The following NRG3 variants were observed in gnomAD, a reference collection of about 807,000 sequenced individuals.
The protein encoded by NRG3 is neuregulin 3.
A neutral mutation model predicts 66.9 loss-of-function variants in NRG3; 31 were observed. The ratio of observed to expected loss-of-function variants is 0.46; its 90% CI spans 0.35 to 0.63. The LOEUF (loss-of-function observed/expected upper bound fraction) is 0.63. Ranked by LOEUF, NRG3 falls within the 20% of genes least tolerant of loss-of-function variation. The pLI is 0.00. For synonymous variants in NRG3, 393 were observed against 359.4 expected (o/e 1.09, Z -1.06); for missense variants, 910 against 878.9 (o/e 1.04, Z -0.45).
intron 2 of NRG3, among the ~76,000 whole-genome samples, chr10:82,664,471 A>G (rs1340796593): frequency 1.3e-5 from 2 of 152,198 alleles, no homozygotes; most frequent in Non-Finnish European, 2.9e-5. Context: ...GCATTTCTTA[A>G]TTAATAGGAA....
At chr10:82,098,106 T>G (rs945421441) in intron 1 of NRG3, among the ~76,000 whole-genome samples, 2 of 151,254 alleles carry the variant, frequency 1.3e-5, no homozygotes, top group Non-Finnish European at 2.9e-5. Context: ...ATGTCTCATA[T>G]ATAGATGTCT....
At chr10:82,555,548 G>C (rs1425043553) in intron 2 of NRG3, among the ~76,000 whole-genome samples, 1 of 152,104 alleles carries the variant, frequency 6.6e-6, no homozygotes, top group Non-Finnish European at 1.5e-5. Context: ...TATTTCATGA[G>C]GTAATGGAAG....
At chr10:82,212,924 G>A (rs186248406) in intron 1 of NRG3, among the ~76,000 whole-genome samples, 30 of 152,198 alleles carry the variant, frequency 2.0e-4, no homozygotes, top group African/African-American at 7.0e-4. Context: ...CATTCCAAAG[G>A]ATTGCACAAT....
chr10:82,513,448 T>G (rs932816084), intron 2 of NRG3, among the ~76,000 whole-genome samples: 89 of 152,214 alleles, frequency 5.8e-4, no homozygotes, highest in African/African-American at 1.8e-3. Flanking sequence ...ACAGAATAAT[T>G]TATATTCCTA....
intron 4 of NRG3, among the ~76,000 whole-genome samples, chr10:82,895,206 T>A (rs1843535049): frequency 6.6e-6 from 1 of 152,194 alleles, no homozygotes; most frequent in Admixed American, 6.5e-5. Flanking sequence ...TTGCTGTTAA[T>A]ATGTAGATGC....
chr10:82,337,673 TG>T (rs551109655), intron 1 of NRG3, among the ~76,000 whole-genome samples: 72 of 152,340 alleles, frequency 4.7e-4, no homozygotes, highest in Non-Finnish European at 7.5e-4. Context: ...GGGTGTGAAG[TG>T]ATATTTCATT....
intron 1 of NRG3, among the ~76,000 whole-genome samples, chr10:82,076,328 C>A (rs2065088864): frequency 6.6e-6 from 1 of 152,184 alleles, no homozygotes; most frequent in African/African-American, 2.4e-5. Flanking sequence ...CCTCAGTCGT[C>A]CAGCTCTGAT....
At chr10:82,450,778 T>G (rs1488492233) in intron 2 of NRG3, among the ~76,000 whole-genome samples, 2 of 152,318 alleles carry the variant, frequency 1.3e-5, no homozygotes, top group South Asian at 2.1e-4. Context: ...TTTATTTTGG[T>G]AAATCTTATT....
At chr10:82,372,988 T>G (rs746307869) in intron 2 of NRG3, among the ~76,000 whole-genome samples, 34 of 152,218 alleles carry the variant, frequency 2.2e-4, no homozygotes, top group Non-Finnish European at 4.6e-4. Context: ...TGACCACTGA[T>G]CATTGTTGAA....
intron 1 of NRG3, among the ~76,000 whole-genome samples, chr10:81,888,712 C>T (rs1842798975): frequency 6.6e-6 from 1 of 152,122 alleles, no homozygotes; most frequent in South Asian, 2.1e-4. Context: ...CAGACGGCCT[C>T]ACCTTTTCCT....
At chr10:82,184,495 G>A (rs55764635) in intron 1 of NRG3, among the ~76,000 whole-genome samples, 17,119 of 152,146 alleles carry the variant, frequency 0.11, 1,256 homozygotes, top group Non-Finnish European at 0.17. Context: ...TTGAAGGCAT[G>A]CTCAAAGAAG....
chr10:82,859,205 C>G (rs1341360787), intron 3 of NRG3: 3 of 152,246 alleles, frequency 2.0e-5, no homozygotes, highest in Non-Finnish European at 4.4e-5. Flanking sequence ...CCTCGGCCTC[C>G]CAAAGTGCTG....
At chr10:82,952,611 T>C (rs945059724) in intron 5 of NRG3, among the ~76,000 whole-genome samples, 12 of 151,500 alleles carry the variant, frequency 7.9e-5, no homozygotes, top group Non-Finnish European at 1.3e-4. Flanking sequence ...ATTAGCCCCT[T>C]GGTTTCTCAT....
chr10:82,931,614 C>G (rs1237724905), intron 4 of NRG3, among the ~76,000 whole-genome samples: 1 of 152,166 alleles, frequency 6.6e-6, no homozygotes, highest in African/African-American at 2.4e-5. Flanking sequence ...ATTTTGAAAC[C>G]TTCATTGACT....
At chr10:82,680,763 T>C (rs1282348038) in intron 2 of NRG3, among the ~76,000 whole-genome samples, 1 of 152,166 alleles carries the variant, frequency 6.6e-6, no homozygotes, top group South Asian at 2.1e-4. Context: ...TGCAGACACA[T>C]AATAAATGCC....
intron 3 of NRG3, among the ~76,000 whole-genome samples, chr10:82,857,045 C>A (rs2063847633): frequency 6.6e-6 from 1 of 152,150 alleles, no homozygotes; most frequent in Admixed American, 6.5e-5. Context: ...GTCTAATGCT[C>A]CAAGATGTTT....
chr10:82,295,540 G>A (rs1205536248), intron 1 of NRG3, among the ~76,000 whole-genome samples: 1 of 152,130 alleles, frequency 6.6e-6, no homozygotes, highest in South Asian at 2.1e-4. Context: ...ACTCTGTCAT[G>A]TCGTCTTCCA....
intron 1 of NRG3, among the ~76,000 whole-genome samples, chr10:81,969,151 G>C (rs1213585277): frequency 6.6e-6 from 1 of 152,138 alleles, no homozygotes; most frequent in Non-Finnish European, 1.5e-5. Flanking sequence ...TGGATCTTCT[G>C]TGTCAGGGAC....
intron 2 of NRG3, among the ~76,000 whole-genome samples, chr10:82,598,763 G>A (rs2047436497): frequency 6.6e-6 from 1 of 152,110 alleles, no homozygotes. Flanking sequence ...AAAATGATGA[G>A]AAGAGGCCGG....
Sources: gnomAD v4.1 joint callset for allele counts (sites outside exome capture counted in the v4.1 genomes callset) on GRCh38, gnomAD v4.1.1 for gene constraint, MANE v1.5 for transcripts, NCBI Gene and HGNC (gene_info 2026-07-23, HGNC 2026-07-21) for gene names.